The following CLIC4 variants were observed in gnomAD, a reference collection of about 807,000 sequenced individuals.
CLIC4 encodes chloride intracellular channel protein 4.
A neutral mutation model predicts 24.6 loss-of-function variants in CLIC4; 13 were observed. The observed-to-expected ratio is 0.53, with a 90% CI of 0.34 to 0.84. The LOEUF (loss-of-function observed/expected upper bound fraction) is 0.84. CLIC4 is among the 40% of genes least tolerant of loss of function. The pLI is 0.01. For missense variants in CLIC4, 227 were observed against 301.7 expected, an observed-to-expected ratio of 0.75 and a Z score of 1.83; for synonymous variants, 104 against 111.3, an observed-to-expected ratio of 0.93 and a Z score of 0.41.
intron 1 of CLIC4, among the ~76,000 whole-genome samples, chr1:24,748,766 TG>T (rs1256720820): frequency 6.6e-6 from 1 of 152,116 alleles, no homozygotes; most frequent in Non-Finnish European, 1.5e-5. Context: ...CCCAAAGTGC[TG>T]GGATTACAGG....
At chr1:24,753,176 G>A (rs1226845644) in intron 1 of CLIC4, among the ~76,000 whole-genome samples, 1 of 151,980 alleles carries the variant, frequency 6.6e-6, no homozygotes, top group East Asian at 1.9e-4. Context: ...AGTAAATAGT[G>A]GAATTCTTAG....
chr1:24,760,573 G>C (rs1238415583), intron 1 of CLIC4, among the ~76,000 whole-genome samples: 3 of 151,892 alleles, frequency 2.0e-5, no homozygotes, highest in Non-Finnish European at 4.4e-5. Flanking sequence ...GAAGACTTTT[G>C]CTGATATTTC....
chr1:24,837,990 G>A (rs548366637), intron 4 of CLIC4, among the ~76,000 whole-genome samples: 10 of 152,184 alleles, frequency 6.6e-5, no homozygotes, highest in African/African-American at 2.4e-4. Context: ...AGCTCAGTGC[G>A]TGACACTTGA....
intron 1 of CLIC4, among the ~76,000 whole-genome samples, chr1:24,764,353 G>C (rs989710912): frequency 1.4e-4 from 21 of 151,578 alleles, no homozygotes; most frequent in Non-Finnish European, 1.6e-4. Flanking sequence ...ACCTGCCTTG[G>C]CCTCCCGAAG....
Position 24,842,256 on chromosome 1 carries a change from A to G in CLIC4, c.*1319A>G, listed in dbSNP as rs1639950973. 1 of 152,040 alleles carries G rather than the reference A, an allele frequency of 6.6e-6. No homozygotes were observed. The highest frequency in any genetic ancestry group is 2.4e-5 in the African/African-American group (1 of 41,400). The allele number at this position is 152,040 out of a possible 1,614,324, so 9.4% of individuals were successfully genotyped here. On this transcript the variant is annotated 3_prime_UTR_variant, in exon 6 of 6. Transcript: ENST00000374379. ...TAATTGAAGCCCTAAACCAGGAATT[A>G]TTTGTGTTCTAACAGGAGGATGAAC... is the stretch of plus-strand genomic sequence containing the variant.
rs375688192 is a variant in CLIC4, at chr1:24,747,478, G to A, written c.72+1853G>A. 1.8e-4 allele frequency among the ~76,000 whole-genome samples: 26 copies of A among 147,082 alleles called. No homozygotes were observed. In the East Asian group the frequency reaches 4.9e-3, roughly 28 times the overall value. On this transcript the variant is annotated intron_variant, in intron 1 of 5. Coordinates refer to ENST00000374379, the MANE Select transcript of CLIC4 (RefSeq NM_013943.3). The stretch of plus-strand genomic sequence containing the variant: ...GAACCCGGGAGGCAGAGGTTGTGGT[G>A]TGCGGAGATTGCGCCACTGTACTCC...
Position 24,841,049 on chromosome 1 carries a change from A to G in CLIC4, c.*112A>G. The G allele has an allele frequency of 1.2e-6, 1 of 839,008 alleles. No homozygotes were observed. The highest frequency in any genetic ancestry group is 2.0e-5 in the South Asian group (1 of 49,676). 52.0% of individuals were successfully genotyped at this position (839,008 alleles called of 1,614,324 possible). A position where few individuals can be genotyped will look rare whatever the true frequency, so the allele number is the denominator to read the frequency against. Reference sequence around the variant, plus strand: ...TTGTATTTTGCACGAACATGCAGTTATTGAAGATTAGGATCAAGGATAGAC... The same window carrying G: ...TTGTATTTTGCACGAACATGCAGTTGTTGAAGATTAGGATCAAGGATAGAC... On this transcript the variant is annotated 3_prime_UTR_variant, in exon 6 of 6. Transcript: ENST00000374379.
At chr1:24,775,497 T>C (rs1189558610) in intron 1 of CLIC4, among the ~76,000 whole-genome samples, 2 of 151,716 alleles carry the variant, frequency 1.3e-5, no homozygotes, top group Non-Finnish European at 2.9e-5. Context: ...GGTTCTGTCT[T>C]TATGTTCACA....
chr1:24,776,844 G>A (rs1259860530), intron 1 of CLIC4, among the ~76,000 whole-genome samples: 2 of 152,168 alleles, frequency 1.3e-5, no homozygotes, highest in African/African-American at 2.4e-5. Context: ...CCCAGGAGGC[G>A]GAGGTTGCAG....
intron 3 of CLIC4, among the ~76,000 whole-genome samples, chr1:24,819,737 C>T (rs1465030808): frequency 2.0e-5 from 3 of 149,390 alleles, no homozygotes; most frequent in Admixed American, 6.7e-5. Context: ...CCGCGCCTGA[C>T]CATAACTTTT....
intron 5 of CLIC4, 28 bp downstream of exon 5, chr1:24,840,069 T>G (rs1427758092): frequency 1.3e-6 from 2 of 1,596,722 alleles, no homozygotes; most frequent in Non-Finnish European, 8.6e-7. Context: ...GATGTCGCAT[T>G]GCCATTACCT....
chr1:24,799,064 C>T (rs1439801121), intron 2 of CLIC4, among the ~76,000 whole-genome samples: 1 of 151,994 alleles, frequency 6.6e-6, no homozygotes, highest in Non-Finnish European at 1.5e-5. Context: ...GCCCGGCCGC[C>T]ACCCCATCTG....
At chr1:24,796,063 A>C (rs1639395907) in intron 1 of CLIC4, among the ~76,000 whole-genome samples, 1 of 152,208 alleles carries the variant, frequency 6.6e-6, no homozygotes, top group South Asian at 2.1e-4. Context: ...GTTCTGTCCA[A>C]CATAGTAGCC....
chr1:24,748,511 T>G (rs541570293), intron 1 of CLIC4, among the ~76,000 whole-genome samples: 8 of 144,504 alleles, frequency 5.5e-5, no homozygotes, highest in South Asian at 2.3e-4. Flanking sequence ...TTTTTTTTTT[T>G]TTTTTTTTTT....
chr1:24,766,162 G>A (rs1315071705), intron 1 of CLIC4, among the ~76,000 whole-genome samples: 6 of 151,836 alleles, frequency 4.0e-5, no homozygotes, highest in African/African-American at 1.5e-4. Flanking sequence ...GTGCCACCAC[G>A]CCCAGCTAAT....
At chr1:24,784,003 ATTT>A (rs552630401) in intron 1 of CLIC4, among the ~76,000 whole-genome samples, 3 of 130,222 alleles carry the variant, frequency 2.3e-5, no homozygotes, top group African/African-American at 2.8e-5. Context: ...TCCAGTTTTG[ATTT>A]TTTTTTTTTT....
chr1:24,801,219 C>T (rs1430015737), intron 2 of CLIC4, among the ~76,000 whole-genome samples: 1 of 152,164 alleles, frequency 6.6e-6, no homozygotes, highest in Non-Finnish European at 1.5e-5. Context: ...TAAAGAACTA[C>T]CTGAGACTGG....
chr1:24,790,422 A>G (rs1473091741), intron 1 of CLIC4, among the ~76,000 whole-genome samples: 1 of 152,216 alleles, frequency 6.6e-6, no homozygotes, highest in Non-Finnish European at 1.5e-5. Flanking sequence ...TTTTAAGGAA[A>G]AGAAAAATAA....
At chr1:24,783,975 T>C (rs928754586) in intron 1 of CLIC4, among the ~76,000 whole-genome samples, 3 of 151,436 alleles carry the variant, frequency 2.0e-5, no homozygotes, top group African/African-American at 4.9e-5. Context: ...AGTTTAACCA[T>C]GGGGCAAACT....
Sources: gnomAD v4.1 joint callset for allele counts (sites outside exome capture counted in the v4.1 genomes callset) on GRCh38, gnomAD v4.1.1 for gene constraint, MANE v1.5 for transcripts, NCBI Gene and HGNC (gene_info 2026-07-23, HGNC 2026-07-21) for gene names.